The following ZNF66 variants were observed in gnomAD, a reference collection of about 807,000 sequenced individuals.
The protein encoded by ZNF66 is zinc finger protein 66, also known as putative zinc finger protein 66.
In ZNF66, 32 loss-of-function variants were observed where a neutral mutation model predicts 35.2. The observed-to-expected ratio is 0.91, with a 90% confidence interval of 0.69 to 1.22. ZNF66 has a LOEUF of 1.22. ZNF66 is among the 50% of genes most tolerant of loss of function. The pLI, the probability that ZNF66 is intolerant of heterozygous loss-of-function variation, is 0.00. For synonymous variants in ZNF66, 231 were observed against 181.3 expected, an observed-to-expected ratio of 1.27 and a Z score of -2.20; for missense variants, 666 against 543.1, an observed-to-expected ratio of 1.23 and a Z score of -2.25.
At chr19:20,782,436 T>C (rs560993989) in intron 1 of ZNF66, among the ~76,000 whole-genome samples, 1 of 152,316 alleles carries the variant, frequency 6.6e-6, no homozygotes, top group Non-Finnish European at 1.5e-5. Flanking sequence ...ATTAGTTCTG[T>C]GAGGAACCGC....
chr19:20,802,941 C>T (rs1172706194), intron 3 of ZNF66, among the ~76,000 whole-genome samples: 3 of 151,924 alleles, frequency 2.0e-5, no homozygotes, highest in South Asian at 4.1e-4. Context: ...TTGTTTAAAG[C>T]CCTTCTTTGC....
chr19:20,779,675 A>G (rs1196243746), intron 1 of ZNF66, among the ~76,000 whole-genome samples: 1 of 151,754 alleles, frequency 6.6e-6, no homozygotes, highest in Non-Finnish European at 1.5e-5. Context: ...CTAAAAATAC[A>G]AAAATTACTG....
chr19:20,803,254 CTT>C (rs1439058078), intron 3 of ZNF66, among the ~76,000 whole-genome samples: 3 of 151,242 alleles, frequency 2.0e-5, no homozygotes, highest in Non-Finnish European at 3.0e-5. Context: ...AAAAGAAAAA[CTT>C]ATTTTATTGT....
At chr19:20,778,782 C>CAAA (rs561812056) in intron 1 of ZNF66, among the ~76,000 whole-genome samples, 4 of 85,396 alleles carry the variant, frequency 4.7e-5, no homozygotes, top group South Asian at 3.7e-4. Context: ...GACTTCGTCT[C>CAAA]AAAAAAAAAA....
At chr19:20,786,909 A>G (rs1008877087) in intron 1 of ZNF66, among the ~76,000 whole-genome samples, 12 of 152,072 alleles carry the variant, frequency 7.9e-5, no homozygotes, top group Admixed American at 7.9e-4. Context: ...TTACAGACAT[A>G]TGCCACTATG....
At chr19:20,795,198 A>G (rs1971379880) in intron 3 of ZNF66, among the ~76,000 whole-genome samples, 1 of 150,158 alleles carries the variant, frequency 6.7e-6, no homozygotes. Context: ...TCTGTGAATA[A>G]TTCTTCTGCC....
At chr19:20,805,155 C>T (rs606501) in intron 3 of ZNF66, among the ~76,000 whole-genome samples, 13,991 of 151,206 alleles carry the variant, frequency 0.093, 669 homozygotes, top group Middle Eastern at 0.11. Context: ...GAGAGAGTCT[C>T]GCCCTGTTAC....
chr19:20,791,252 A>G (rs1203165103), intron 1 of ZNF66, among the ~76,000 whole-genome samples: 1 of 152,168 alleles, frequency 6.6e-6, no homozygotes. Context: ...TGGGAGGTCA[A>G]GGCAGGCAGA....
chr19:20,779,493 C>T (rs796334353), intron 1 of ZNF66, among the ~76,000 whole-genome samples: 37 of 143,998 alleles, frequency 2.6e-4, no homozygotes, highest in African/African-American at 8.6e-4. Context: ...GTTCAGGAGC[C>T]TGAGGGAGGG....
intron 1 of ZNF66, among the ~76,000 whole-genome samples, chr19:20,786,768 T>C (rs1971290839): frequency 6.6e-6 from 1 of 152,190 alleles, no homozygotes; most frequent in Non-Finnish European, 1.5e-5. Context: ...ATATTTTTGT[T>C]TGTTTGTTTT....
At chr19:20,793,135 C>T (rs901919205) in intron 2 of ZNF66, among the ~76,000 whole-genome samples, 4 of 151,278 alleles carry the variant, frequency 2.6e-5, no homozygotes, top group African/African-American at 9.7e-5. Flanking sequence ...AAACTTTCCA[C>T]ATTTCTGAGG....
chr19:20,807,582 C>T lies in ZNF66; in HGVS notation c.*260C>T, dbSNP rs913151291. On this transcript the variant is annotated 3_prime_UTR_variant, in exon 4 of 4. Transcript: ENST00000344519. ...AGCCTATAACAATTTTCAATCAATTCTTTTTTTTTTTTTTTGAGATGAAGT... is the reference window on the plus strand; with the variant it reads ...AGCCTATAACAATTTTCAATCAATTTTTTTTTTTTTTTTTTGAGATGAAGT... Among the ~76,000 whole-genome samples, 2 of 143,020 alleles carry T rather than the reference C, an allele frequency of 1.4e-5. No homozygotes were observed. The highest frequency in any genetic ancestry group is 5.1e-5 in the African/African-American group (2 of 38,918). The allele number at this position is 143,020 out of a possible 152,430, so 93.8% of individuals were successfully genotyped here.
chr19:20,785,790 TCTCA>T (rs1212128929), intron 1 of ZNF66, among the ~76,000 whole-genome samples: 4 of 151,114 alleles, frequency 2.6e-5, no homozygotes, highest in Non-Finnish European at 4.4e-5. Context: ...GAGATAGAGG[TCTCA>T]CTCTGTCACC....
At chr19:20,780,100 A>G (rs112652145) in intron 1 of ZNF66, among the ~76,000 whole-genome samples, 14,093 of 152,002 alleles carry the variant, frequency 0.093, 656 homozygotes, top group Middle Eastern at 0.11. Flanking sequence ...GACAAAGTGA[A>G]GAAATTATTT....
intron 3 of ZNF66, chr19:20,799,065 C>CTTTTTTTTTTT (rs746296804): frequency 2.6e-4 from 33 of 128,126 alleles, no homozygotes; most frequent in African/African-American, 3.3e-4. Flanking sequence ...TTCTTTCTTT[C>CTTTTTTTTTTT]TTTTTTTTTT....
At chr19:20,797,686 C>T (rs1034700493) in intron 3 of ZNF66, among the ~76,000 whole-genome samples, 1 of 151,824 alleles carries the variant, frequency 6.6e-6, no homozygotes, top group Non-Finnish European at 1.5e-5. Flanking sequence ...GCCTTGACCT[C>T]CTGAGTAGCT....
intron 3 of ZNF66, among the ~76,000 whole-genome samples, chr19:20,796,232 T>C (rs1221763804): frequency 1.3e-5 from 2 of 152,096 alleles, no homozygotes; most frequent in African/African-American, 4.8e-5. Flanking sequence ...ACTTTTTTTT[T>C]TGCTGTAAGG....
chr19:20,792,274 T>G (rs1287545157), intron 1 of ZNF66, among the ~76,000 whole-genome samples: 1 of 149,538 alleles, frequency 6.7e-6, no homozygotes, highest in African/African-American at 2.5e-5. Flanking sequence ...CTTAATTTTA[T>G]AGTTTATTTT....
rs750744259 is a variant in ZNF66 at position 20,806,158 on chromosome 19, A to G, written c.558A>G (p.Ser186=). The G allele has an allele frequency of 8.1e-7, 1 of 1,228,372 alleles. No homozygotes were observed. Among genetic ancestry groups the G allele is most frequent in the Non-Finnish European group, 1.2e-6 (1 of 831,212 alleles). 76.1% of individuals were successfully genotyped at this position (1,228,372 alleles called of 1,614,324 possible). A position where few individuals can be genotyped will look rare whatever the true frequency, so the allele number is the denominator to read the frequency against. ...GTGGCAAAGCTTTTAACCGGTCCTC[A>G]ACCTTTACTACACATAAGAAAATTC... The part of the protein sequence containing the change: ...TECGKAFNRS[S]TFTTHKKIHT... The change falls in exon 4 of 4, where the codon TCA becomes TCG. Residue 186 remains serine, a synonymous_variant. Transcript: ENST00000344519.
Sources: allele counts gnomAD v4.1 joint callset (sites outside exome capture counted in the v4.1 genomes callset), GRCh38; gene constraint gnomAD v4.1.1; transcripts MANE v1.5; gene names NCBI Gene and HGNC (gene_info 2026-07-23, HGNC 2026-07-21).